Variants in FARS2 observed in about 807,000 individuals in gnomAD.
FARS2 encodes the protein phenylalanyl-tRNA synthetase 2, mitochondrial, also known as phenylalanine--tRNA ligase, mitochondrial.
Under a neutral mutation model 46.4 loss-of-function variants are expected in FARS2, and 40 were observed. That is an observed-to-expected ratio of 0.86 (90% CI 0.67 to 1.12). FARS2 has a LOEUF of 1.12. Among genes scored for constraint, FARS2 ranks in the 50% most tolerant of loss-of-function variants. FARS2 has a pLI of 0.00. For synonymous variants in FARS2, 234 were observed against 214.9 expected (o/e 1.09, Z -0.78); for missense variants, 513 against 567.9 (o/e 0.90, Z 0.98).
chr6:5,717,933 T>TAGAGAGAGAGAGAGAGAGAGAGAG lies in FARS2; in HGVS notation c.1218-53357_1218-53356insGAGAGAGAGAGAGAGAGAGAGAGA, dbSNP rs1195279552. On this transcript the variant is annotated intron_variant, in intron 6 of 6. Coordinates refer to ENST00000274680, the MANE Select transcript of FARS2 (RefSeq NM_006567.5). ...CTATATATATATATATATATATATATATACAGAGTCTCACTCTGTCGCCCA... is the reference window on the plus strand; with the variant it reads ...CTATATATATATATATATATATATATAGAGAGAGAGAGAGAGAGAGAGAGATACAGAGTCTCACTCTGTCGCCCA... Among the ~76,000 whole-genome samples, 779 of 128,182 alleles carry TAGAGAGAGAGAGAGAGAGAGAGAG rather than the reference T, an allele frequency of 6.1e-3. 17 individuals are homozygous for TAGAGAGAGAGAGAGAGAGAGAGAG. The highest frequency in any genetic ancestry group is 0.027 in the African/African-American group (698 of 25,584). 84.1% of individuals were successfully genotyped at this position (128,182 alleles called of 152,430 possible).
Position 5,356,265 on chromosome 6 carries a change from A to G in FARS2, c.-21-12285A>G, listed in dbSNP as rs1313797218. Among the ~76,000 whole-genome samples, 3 of 152,212 alleles carry G rather than the reference A, an allele frequency of 2.0e-5. 1 individual carries two copies. The highest frequency in any genetic ancestry group is 2.0e-4 in the Admixed American group (3 of 15,282). ...GGAGTTCGAGACCAGCCTGGCCAAC[A>G]TGGTGAGACCTCATCTCTACTAAGG... On this transcript the variant is annotated intron_variant, in intron 1 of 6. Transcript: ENST00000274680.
intron 6 of FARS2, among the ~76,000 whole-genome samples, chr6:5,748,888 A>G (rs369108218): frequency 7.2e-5 from 11 of 152,250 alleles, no homozygotes; most frequent in African/African-American, 1.9e-4. Context: ...AGGGGGACCT[A>G]TCAGTGGCAT....
rs192879861 is a variant in FARS2 at position 5,662,568 on chromosome 6, C to T, written c.1217+49248C>T. Among the ~76,000 whole-genome samples the T allele has an allele frequency of 6.6e-5, 10 of 152,306 alleles. No homozygotes were observed. In the East Asian group the frequency reaches 1.5e-3, roughly 24 times the overall value. ...AGGCCACTCCTCTTGCTGGCTTCAC[C>T]GTTTGAACTAACTCAGGGACGGGTG... On this transcript the variant is annotated intron_variant, in intron 6 of 6. Transcript: ENST00000274680.
At chr6:5,370,296 C>T (rs572040331) in intron 2 of FARS2, among the ~76,000 whole-genome samples, 20 of 151,984 alleles carry the variant, frequency 1.3e-4, no homozygotes, top group South Asian at 2.1e-4. Context: ...TTTTGCGACT[C>T]TGTGATAATA....
intron 5 of FARS2, among the ~76,000 whole-genome samples, chr6:5,549,990 A>G (rs1324595256): frequency 2.0e-5 from 3 of 152,148 alleles, no homozygotes; most frequent in Non-Finnish European, 2.9e-5. Flanking sequence ...GGTTTATGTG[A>G]CACTCTGGGT....
chr6:5,629,586 C>G (rs1242988701), intron 6 of FARS2, among the ~76,000 whole-genome samples: 2 of 152,068 alleles, frequency 1.3e-5, no homozygotes, highest in African/African-American at 4.8e-5. Context: ...CCTGTATTCC[C>G]TTATAAAAAT....
intron 6 of FARS2, among the ~76,000 whole-genome samples, chr6:5,741,089 G>A (rs781306146): frequency 3.9e-5 from 6 of 152,156 alleles, no homozygotes. Flanking sequence ...ACCAACCTCC[G>A]CATCCCGAGA....
At chr6:5,260,752 T>A (rs374797628), upstream of FARS2, 2 of 1,540,372 alleles carry the variant, frequency 1.3e-6, no homozygotes, top group South Asian at 1.2e-5. Flanking sequence ...GAAAAAAAAA[T>A]AAACGGGTCC....
At chr6:5,767,330 A>G (rs942298691) in intron 6 of FARS2, among the ~76,000 whole-genome samples, 1 of 152,208 alleles carries the variant, frequency 6.6e-6, no homozygotes, top group Non-Finnish European at 1.5e-5. Flanking sequence ...TGCTGGGATT[A>G]CAGGCATGAG....
At chr6:5,370,773 A>G (rs754486529) in intron 2 of FARS2, among the ~76,000 whole-genome samples, 2 of 152,202 alleles carry the variant, frequency 1.3e-5, no homozygotes, top group South Asian at 4.1e-4. Context: ...ACCTTGTTTC[A>G]TATTTGTTTT....
chr6:5,692,582 G>A (rs1441594451), intron 6 of FARS2, among the ~76,000 whole-genome samples: 1 of 152,156 alleles, frequency 6.6e-6, no homozygotes, highest in African/African-American at 2.4e-5. Context: ...AAGGAAAATA[G>A]ATAGGCAAAA....
intron 4 of FARS2, among the ~76,000 whole-genome samples, chr6:5,519,713 G>A (rs1299965313): frequency 3.3e-5 from 5 of 152,108 alleles, no homozygotes; most frequent in East Asian, 1.9e-4. Flanking sequence ...TCCCCTGTGC[G>A]ATTAAAATAA....
chr6:5,724,502 G>C (rs1034809735), intron 6 of FARS2, among the ~76,000 whole-genome samples: 1 of 152,204 alleles, frequency 6.6e-6, no homozygotes, highest in African/African-American at 2.4e-5. Context: ...CACAGCCAAG[G>C]AACAGAGCCC....
chr6:5,607,875 A>ATT (rs1774932746), intron 5 of FARS2, among the ~76,000 whole-genome samples: 3 of 152,130 alleles, frequency 2.0e-5, no homozygotes, highest in Non-Finnish European at 2.9e-5. Context: ...GATATAGAAG[A>ATT]TTAGAATAAT....
intron 4 of FARS2, among the ~76,000 whole-genome samples, chr6:5,500,406 A>G (rs766384926): frequency 6.6e-6 from 1 of 152,338 alleles, no homozygotes; most frequent in South Asian, 2.1e-4. Flanking sequence ...TGGAGACCAA[A>G]TAAGACTTGA....
intron 4 of FARS2, among the ~76,000 whole-genome samples, chr6:5,477,063 C>G (rs148907215): frequency 1.3e-5 from 2 of 152,322 alleles, no homozygotes; most frequent in African/African-American, 4.8e-5. Context: ...ATTGGTACTT[C>G]TCTTTCCTAG....
chr6:5,275,134 A>G (rs1436723399), intron 1 of FARS2, among the ~76,000 whole-genome samples: 2 of 152,202 alleles, frequency 1.3e-5, no homozygotes, highest in Non-Finnish European at 2.9e-5. Flanking sequence ...GTTGCGAATC[A>G]CTGGGATATT....
At chr6:5,479,524 T>C (rs1766321614) in intron 4 of FARS2, among the ~76,000 whole-genome samples, 1 of 152,226 alleles carries the variant, frequency 6.6e-6, no homozygotes, top group Non-Finnish European at 1.5e-5. Context: ...GATAAAAGCA[T>C]TTCTAATACA....
chr6:5,428,145 G>A (rs1416782423), intron 3 of FARS2, among the ~76,000 whole-genome samples: 1 of 152,170 alleles, frequency 6.6e-6, no homozygotes. Context: ...CATTGATTAT[G>A]GAATGACTTT....
Sources: allele counts gnomAD v4.1 joint callset (sites outside exome capture counted in the v4.1 genomes callset), GRCh38; gene constraint gnomAD v4.1.1; transcripts MANE v1.5; gene names NCBI Gene and HGNC (gene_info 2026-07-23, HGNC 2026-07-21).